Variants in LRMDA observed in about 807,000 individuals in gnomAD.
The protein encoded by LRMDA is leucine-rich melanocyte differentiation-associated protein.
A neutral mutation model predicts 29.8 loss-of-function variants in LRMDA; 18 were observed. The observed-to-expected ratio is 0.60, with a 90% CI of 0.42 to 0.90. The LOEUF (loss-of-function observed/expected upper bound fraction) is 0.90. LRMDA is among the 40% of genes least tolerant of loss of function. The pLI, the probability that LRMDA is intolerant of heterozygous loss-of-function variation, is 0.00. For synonymous variants in LRMDA, 125 were observed against 109.4 expected (o/e 1.14, Z -0.89); for missense variants, 273 against 273.9 (o/e 1.00, Z 0.02).
chr10:76,139,056 A>G (rs924531368), intron 5 of LRMDA, among the ~76,000 whole-genome samples: 3 of 152,280 alleles, frequency 2.0e-5, no homozygotes, highest in South Asian at 2.1e-4. Flanking sequence ...GGAGATAAAC[A>G]TGCTGTATTC....
chr10:75,760,602 C>G (rs958827442), intron 2 of LRMDA, among the ~76,000 whole-genome samples: 3 of 152,184 alleles, frequency 2.0e-5, no homozygotes, highest in African/African-American at 7.2e-5. Flanking sequence ...CTCCCCTGCC[C>G]CTGTCCCCAT....
At chr10:75,992,468 TG>T (rs1232420097) in intron 2 of LRMDA, among the ~76,000 whole-genome samples, 2 of 152,182 alleles carry the variant, frequency 1.3e-5, no homozygotes, top group African/African-American at 4.8e-5. Flanking sequence ...TGGATGGAAT[TG>T]GGGAGATCAA....
chr10:75,524,525 C>T (rs921267239), intron 2 of LRMDA, among the ~76,000 whole-genome samples: 2 of 152,120 alleles, frequency 1.3e-5, no homozygotes, highest in Non-Finnish European at 2.9e-5. Context: ...GCCTGGCATA[C>T]ATAGGAATTA....
At chr10:75,853,433 GGTGT>G (rs3042495) in intron 2 of LRMDA, among the ~76,000 whole-genome samples, 8,695 of 147,340 alleles carry the variant, frequency 0.059, 553 homozygotes, top group African/African-American at 0.16. Flanking sequence ...AAAGAAGAGG[GGTGT>G]GTGTGTGTGT....
chr10:75,549,451 A>G (rs1840116812), intron 2 of LRMDA, among the ~76,000 whole-genome samples: 1 of 151,898 alleles, frequency 6.6e-6, no homozygotes. Flanking sequence ...TTTGTTTTTA[A>G]TTTTATTTAT....
chr10:76,045,952 A>G (rs1238764792), intron 3 of LRMDA, among the ~76,000 whole-genome samples: 3 of 152,242 alleles, frequency 2.0e-5, no homozygotes, highest in African/African-American at 7.2e-5. Flanking sequence ...ACATCCTCAC[A>G]GAGCAAGAAC....
At chr10:75,911,827 C>T (rs912873958) in intron 2 of LRMDA, among the ~76,000 whole-genome samples, 1 of 152,198 alleles carries the variant, frequency 6.6e-6, no homozygotes, top group Non-Finnish European at 1.5e-5. Flanking sequence ...TGCCCAGGAT[C>T]CTGCTGGGTG....
At chr10:76,376,544 A>C (rs1315785457) in intron 6 of LRMDA, among the ~76,000 whole-genome samples, 1 of 152,166 alleles carries the variant, frequency 6.6e-6, no homozygotes, top group African/African-American at 2.4e-5. Context: ...AGTGCAGGCA[A>C]CTTTTTAATA....
intron 6 of LRMDA, among the ~76,000 whole-genome samples, chr10:76,410,786 T>C (rs1289099560): frequency 6.6e-6 from 1 of 152,062 alleles, no homozygotes; most frequent in Non-Finnish European, 1.5e-5. Flanking sequence ...AAACCCTGTC[T>C]CTACTAAATG....
rs559579373 is a variant in LRMDA, at chr10:76,054,468, C to T, written c.399-4198C>T. ...CTCTCTTTCTCCTTTGATTTCAGGG[C>T]TGTGATCCAAAGTGAGGCAAAATGA... is the stretch of plus-strand genomic sequence containing the variant. On this transcript the variant is annotated intron_variant, in intron 4 of 6. Transcript: ENST00000611255. Among the ~76,000 whole-genome samples, 54 of 152,106 alleles carry T rather than the reference C, an allele frequency of 3.6e-4. 2 individuals are homozygous for T. The South Asian group carries it at 0.011, about 32-fold the overall frequency.
intron 2 of LRMDA, among the ~76,000 whole-genome samples, chr10:75,962,831 T>C (rs1226903033): frequency 6.6e-6 from 1 of 152,176 alleles, no homozygotes; most frequent in East Asian, 1.9e-4. Flanking sequence ...TGACTTGTTT[T>C]TGCTAAGCTT....
chr10:75,647,967 G>A (rs912601483), intron 2 of LRMDA, among the ~76,000 whole-genome samples: 7 of 150,308 alleles, frequency 4.7e-5, no homozygotes, highest in African/African-American at 1.8e-4. Flanking sequence ...GTATTGAAAG[G>A]AATGGTTTCC....
chr10:75,784,912 G>A (rs1843446531), intron 2 of LRMDA, among the ~76,000 whole-genome samples: 1 of 152,162 alleles, frequency 6.6e-6, no homozygotes, highest in Admixed American at 6.5e-5. Flanking sequence ...AATAGGTTTT[G>A]TAGGGTCTTC....
At chr10:76,088,579 C>G (rs1419055161) in intron 5 of LRMDA, among the ~76,000 whole-genome samples, 1 of 152,106 alleles carries the variant, frequency 6.6e-6, no homozygotes, top group Non-Finnish European at 1.5e-5. Context: ...CTCAGGCTCT[C>G]GAAAGGGAAA....
chr10:75,881,732 G>T (rs1033368810), intron 2 of LRMDA, among the ~76,000 whole-genome samples: 3 of 152,322 alleles, frequency 2.0e-5, no homozygotes, highest in Admixed American at 6.5e-5. Flanking sequence ...AAAAGATTCT[G>T]TAACCAGGGC....
At chr10:75,770,753 AGAACATTTGTG>A (rs2132234643) in intron 2 of LRMDA, among the ~76,000 whole-genome samples, 1 of 152,320 alleles carries the variant, frequency 6.6e-6, no homozygotes, top group South Asian at 2.1e-4. Flanking sequence ...GTTCTAATTC[AGAACATTTGTG>A]GAAACTCTCC....
chr10:75,885,795 A>G (rs1047949886), intron 2 of LRMDA, among the ~76,000 whole-genome samples: 1 of 152,264 alleles, frequency 6.6e-6, no homozygotes, highest in Non-Finnish European at 1.5e-5. Context: ...TTGCATAAGC[A>G]TAACACATGT....
At chr10:75,989,053 T>C (rs1376739587) in intron 2 of LRMDA, among the ~76,000 whole-genome samples, 2 of 152,180 alleles carry the variant, frequency 1.3e-5, no homozygotes, top group African/African-American at 4.8e-5. Flanking sequence ...GCAGCCCTCA[T>C]TTCCCATGCA....
chr10:76,481,075 T>C (rs1200287480), intron 6 of LRMDA, among the ~76,000 whole-genome samples: 1 of 151,918 alleles, frequency 6.6e-6, no homozygotes, highest in African/African-American at 2.4e-5. Context: ...TTGGGTCCAT[T>C]AAGATGTAAA....
Sources: gnomAD v4.1 joint callset for allele counts (sites outside exome capture counted in the v4.1 genomes callset) on GRCh38, gnomAD v4.1.1 for gene constraint, MANE v1.5 for transcripts, NCBI Gene and HGNC (gene_info 2026-07-23, HGNC 2026-07-21) for gene names.